Variants in GRM8 observed in about 807,000 individuals in gnomAD.
GRM8 encodes glutamate metabotropic receptor 8.
In GRM8, 47 loss-of-function variants were observed where a neutral mutation model predicts 87.2. The ratio of observed to expected loss-of-function variants is 0.54; its 90% CI spans 0.43 to 0.69. The LOEUF (loss-of-function observed/expected upper bound fraction) is 0.69. GRM8 is among the 30% of genes least tolerant of loss of function. The probability of loss-of-function intolerance (pLI) is 0.00; values close to 1 mark genes in which losing one functional copy is unlikely to be tolerated. For missense variants in GRM8, 1,019 were observed against 1,139.2 expected (o/e 0.89, Z 1.52); for synonymous variants, 396 against 404.5 (o/e 0.98, Z 0.25).
At chr7:126,638,809 C>T (rs2237748) in intron 7 of GRM8, among the ~76,000 whole-genome samples, 46,856 of 152,170 alleles carry the variant, frequency 0.31, 8,090 homozygotes, top group East Asian at 0.43. Context: ...CACTCATTCT[C>T]TCCCTGAATA....
intron 2 of GRM8, among the ~76,000 whole-genome samples, chr7:127,225,275 A>G (rs1267330453): frequency 2.6e-5 from 4 of 152,174 alleles, no homozygotes; most frequent in Non-Finnish European, 5.9e-5. Context: ...TTTGCCTTGC[A>G]TTGGTGAATG....
chr7:126,915,864 A>T (rs1803845209), intron 3 of GRM8, among the ~76,000 whole-genome samples: 2 of 152,206 alleles, frequency 1.3e-5, no homozygotes, highest in African/African-American at 2.4e-5. Flanking sequence ...AGGATGAGGA[A>T]CAATTGGAGA....
intron 8 of GRM8, among the ~76,000 whole-genome samples, chr7:126,583,093 T>C (rs1462040769): frequency 6.6e-6 from 1 of 152,202 alleles, no homozygotes; most frequent in African/African-American, 2.4e-5. Context: ...TGGTGGCTCA[T>C]GCCTGTAGTC....
chr7:126,500,925 T>G (rs1186825976), intron 9 of GRM8, among the ~76,000 whole-genome samples: 1 of 152,022 alleles, frequency 6.6e-6, no homozygotes, highest in Non-Finnish European at 1.5e-5. Context: ...TTTGTTATGC[T>G]CTCCCTTAGT....
intron 9 of GRM8, among the ~76,000 whole-genome samples, chr7:126,483,733 C>A (rs2150605037): frequency 7.5e-6 from 1 of 134,076 alleles, no homozygotes; most frequent in African/African-American, 2.8e-5. Context: ...AAAACTTACC[C>A]TTAGTATTTC....
At chr7:126,910,795 C>T (rs1803204329) in intron 3 of GRM8, among the ~76,000 whole-genome samples, 1 of 152,062 alleles carries the variant, frequency 6.6e-6, no homozygotes, top group Non-Finnish European at 1.5e-5. Flanking sequence ...GGTGAGTGGT[C>T]AGGTGTCACA....
intron 7 of GRM8, among the ~76,000 whole-genome samples, chr7:126,712,460 T>C (rs1314155467): frequency 2.0e-5 from 3 of 152,128 alleles, no homozygotes; most frequent in Non-Finnish European, 2.9e-5. Flanking sequence ...AGTAAACACA[T>C]GATGTTGGAA....
intron 7 of GRM8, among the ~76,000 whole-genome samples, chr7:126,730,214 T>C (rs995345451): frequency 3.3e-5 from 5 of 152,058 alleles, no homozygotes; most frequent in East Asian, 1.9e-4. Flanking sequence ...GTCAAAGAAA[T>C]AGTACTAGCA....
chr7:127,205,366 A>T (rs559602853), intron 2 of GRM8, among the ~76,000 whole-genome samples: 1 of 152,242 alleles, frequency 6.6e-6, no homozygotes, highest in Non-Finnish European at 1.5e-5. Flanking sequence ...AGTCACATTT[A>T]CATTAATGCC....
At chr7:127,093,538 T>C (rs1334682274) in intron 3 of GRM8, among the ~76,000 whole-genome samples, 1 of 152,236 alleles carries the variant, frequency 6.6e-6, no homozygotes, top group Non-Finnish European at 1.5e-5. Context: ...CAGCCATGAT[T>C]CATGATGTAA....
chr7:126,841,721 G>A (rs374626098), intron 6 of GRM8, among the ~76,000 whole-genome samples: 5 of 151,182 alleles, frequency 3.3e-5, no homozygotes, highest in African/African-American at 7.3e-5. Context: ...TCCGCCTCCC[G>A]GATTCACCCC....
intron 3 of GRM8, among the ~76,000 whole-genome samples, chr7:126,926,319 G>C (rs552936653): frequency 1.3e-5 from 2 of 152,144 alleles, no homozygotes; most frequent in African/African-American, 4.8e-5. Flanking sequence ...CTTTGATGGA[G>C]ACCTGATAAT....
chr7:126,647,293 G>GGATAGATAGATA (rs58263801), intron 7 of GRM8, among the ~76,000 whole-genome samples: 15 of 143,112 alleles, frequency 1.0e-4, no homozygotes, highest in Admixed American at 2.1e-4. Flanking sequence ...ATAAATAGAT[G>GGATAGATAGATA]GATAGATAGA....
chr7:126,891,083 T>C (rs1800957239), intron 6 of GRM8, among the ~76,000 whole-genome samples: 1 of 152,026 alleles, frequency 6.6e-6, no homozygotes, highest in Non-Finnish European at 1.5e-5. Flanking sequence ...TCCTTCCCCC[T>C]CTTCCCCAAT....
intron 2 of GRM8, among the ~76,000 whole-genome samples, chr7:127,179,755 G>A (rs1231612089): frequency 6.6e-6 from 1 of 152,088 alleles, no homozygotes; most frequent in Non-Finnish European, 1.5e-5. Context: ...TGAGCATTGG[G>A]TCAAAAACAA....
chr7:126,488,839 A>C (rs1240993317), intron 9 of GRM8, among the ~76,000 whole-genome samples: 1 of 151,954 alleles, frequency 6.6e-6, no homozygotes, highest in African/African-American at 2.4e-5. Flanking sequence ...TAATATCTTG[A>C]ATTTTATAAA....
chr7:126,467,370 T>A (rs138536995), intron 9 of GRM8, among the ~76,000 whole-genome samples: 2 of 152,174 alleles, frequency 1.3e-5, no homozygotes, highest in Admixed American at 1.3e-4. Flanking sequence ...AATGAGAGCA[T>A]TTTTCTATTA....
At chr7:126,984,528 C>G (rs2131886339) in intron 3 of GRM8, among the ~76,000 whole-genome samples, 1 of 152,334 alleles carries the variant, frequency 6.6e-6, no homozygotes, top group South Asian at 2.1e-4. Context: ...TAGATGCTTC[C>G]TGCCCTTGAA....
At chr7:126,573,223 C>A (rs1051289407) in intron 8 of GRM8, among the ~76,000 whole-genome samples, 13 of 152,074 alleles carry the variant, frequency 8.5e-5, no homozygotes, top group Non-Finnish European at 8.8e-5. Context: ...TTAGAGTCAA[C>A]CCAGGAACAA....
Sources: allele counts gnomAD v4.1 joint callset (sites outside exome capture counted in the v4.1 genomes callset), GRCh38; gene constraint gnomAD v4.1.1; transcripts MANE v1.5; gene names NCBI Gene and HGNC (gene_info 2026-07-23, HGNC 2026-07-21).